Variants in FCHSD2 observed in about 807,000 individuals in gnomAD.
FCHSD2 encodes the protein FCH and double SH3 domains 2, also known as F-BAR and double SH3 domains protein 2.
In FCHSD2, 38 loss-of-function variants were observed where a neutral mutation model predicts 108.1. That is an observed-to-expected ratio of 0.35 (90% CI 0.27 to 0.46). FCHSD2 has a LOEUF of 0.46. Among genes scored for constraint, FCHSD2 ranks in the 20% least tolerant of loss-of-function variants. The pLI is 1.00. For missense variants in FCHSD2, 751 were observed against 897.8 expected (o/e 0.84, Z 2.09); for synonymous variants, 279 against 314.7 (o/e 0.89, Z 1.20).
At chr11:72,978,085 C>T (rs1327720418) in intron 8 of FCHSD2, among the ~76,000 whole-genome samples, 2 of 152,036 alleles carry the variant, frequency 1.3e-5, no homozygotes, top group Non-Finnish European at 2.9e-5. Context: ...ACCACATGTT[C>T]TCACTCATAG....
At chr11:73,086,681 T>C (rs1163675588) in intron 2 of FCHSD2, among the ~76,000 whole-genome samples, 3 of 152,120 alleles carry the variant, frequency 2.0e-5, no homozygotes, top group Non-Finnish European at 4.4e-5. Context: ...AAAACACTAA[T>C]TACCAAAATC....
chr11:72,867,106 G>A (rs1854744538), intron 13 of FCHSD2, among the ~76,000 whole-genome samples: 1 of 152,188 alleles, frequency 6.6e-6, no homozygotes, highest in Non-Finnish European at 1.5e-5. Flanking sequence ...AAGAAGGCAA[G>A]TTCAAACTGT....
chr11:72,842,638 A>G lies in FCHSD2; in HGVS notation c.1909T>C (p.Trp637Arg). Residue 637 changes from tryptophan (W) to arginine (R), a missense_variant, in exon 17 of 20, where the codon TGG becomes CGG. By Grantham distance (101) the Trp-to-Arg change is moderately radical. Transcript: ENST00000409418. ...TCAGGTACCTGAATCTCTCTCATCC[A>G]TGGAGTGTCACCATTTTCTGAGGCT... ...LSASENGDTP[W>R]MREIQISPSP... 6.2e-7 allele frequency: 1 copy of G among 1,614,032 alleles called. No homozygotes were observed.
At chr11:73,074,199 G>C (rs934666197) in intron 3 of FCHSD2, among the ~76,000 whole-genome samples, 6 of 152,116 alleles carry the variant, frequency 3.9e-5, no homozygotes, top group Non-Finnish European at 8.8e-5. Context: ...TACAGTGCTG[G>C]AGTGCAGTCA....
intron 12 of FCHSD2, among the ~76,000 whole-genome samples, chr11:72,874,831 T>C (rs1854934030): frequency 1.3e-5 from 2 of 152,206 alleles, no homozygotes; most frequent in Non-Finnish European, 2.9e-5. Flanking sequence ...TGTTTTCAAA[T>C]GAATTTTCAT....
At chr11:73,034,499 A>G (rs1858440770) in intron 3 of FCHSD2, among the ~76,000 whole-genome samples, 1 of 152,258 alleles carries the variant, frequency 6.6e-6, no homozygotes, top group African/African-American at 2.4e-5. Flanking sequence ...TCGGTACCAG[A>G]GGCTGAGCCT....
intron 8 of FCHSD2, among the ~76,000 whole-genome samples, chr11:72,964,196 A>C (rs1856863877): frequency 6.6e-6 from 1 of 152,226 alleles, no homozygotes; most frequent in Non-Finnish European, 1.5e-5. Flanking sequence ...AAAGAAACAA[A>C]AACAAATATA....
chr11:72,859,819 G>T (rs1861522801), intron 13 of FCHSD2, among the ~76,000 whole-genome samples: 1 of 152,116 alleles, frequency 6.6e-6, no homozygotes. Context: ...AACTCACACA[G>T]GTCTGAGAAT....
At chr11:73,126,069 C>T (rs530418260) in intron 2 of FCHSD2, among the ~76,000 whole-genome samples, 7 of 151,870 alleles carry the variant, frequency 4.6e-5, no homozygotes, top group Admixed American at 6.6e-5. Flanking sequence ...CGGCCAGGTG[C>T]GGTGGCTCAC....
intron 3 of FCHSD2, among the ~76,000 whole-genome samples, chr11:73,038,304 T>C (rs1050362637): frequency 6.7e-6 from 1 of 150,244 alleles, no homozygotes; most frequent in Non-Finnish European, 1.5e-5. Flanking sequence ...ATTGTGCCAC[T>C]GCACTCCAGC....
At chr11:72,987,484 C>G (rs1280221932) in intron 6 of FCHSD2, among the ~76,000 whole-genome samples, 1 of 152,202 alleles carries the variant, frequency 6.6e-6, no homozygotes, top group African/African-American at 2.4e-5. Context: ...CCTTACTCAT[C>G]TCTGTACTCA....
intron 5 of FCHSD2, among the ~76,000 whole-genome samples, chr11:73,000,026 T>G (rs1857596412): frequency 1.3e-5 from 2 of 152,208 alleles, no homozygotes; most frequent in African/African-American, 4.8e-5. Flanking sequence ...TATGTTTAAC[T>G]GACTAATATT....
At chr11:72,934,072 A>C (rs547919718) in intron 8 of FCHSD2, among the ~76,000 whole-genome samples, 6 of 135,856 alleles carry the variant, frequency 4.4e-5, no homozygotes, top group South Asian at 5.0e-4. Context: ...TCGCGCCACT[A>C]CACTCCAGCC....
intron 19 of FCHSD2, 47 bp from the exon 20 acceptor site, chr11:72,838,921 G>A: frequency 6.6e-7 from 1 of 1,508,014 alleles, no homozygotes; most frequent in Non-Finnish European, 9.1e-7. Flanking sequence ...TCCTGACTCA[G>A]TATCTGAAGC....
chr11:73,134,335 T>C (rs1013432326), intron 2 of FCHSD2, among the ~76,000 whole-genome samples: 1 of 152,028 alleles, frequency 6.6e-6, no homozygotes. Context: ...CCAGGCATGG[T>C]GGTGCATGCC....
intron 9 of FCHSD2, among the ~76,000 whole-genome samples, chr11:72,909,903 C>A (rs1373740767): frequency 6.8e-6 from 1 of 147,870 alleles, no homozygotes; most frequent in African/African-American, 2.5e-5. Context: ...AAGTGAGGAG[C>A]ACCTCTGCCC....
intron 9 of FCHSD2, among the ~76,000 whole-genome samples, chr11:72,907,258 A>T (rs892725787): frequency 1.3e-5 from 2 of 152,202 alleles, no homozygotes; most frequent in African/African-American, 4.8e-5. Flanking sequence ...TTTTCTAAAT[A>T]TACAATCATG....
chr11:73,050,182 G>A (rs1858865924), intron 3 of FCHSD2, among the ~76,000 whole-genome samples: 1 of 152,102 alleles, frequency 6.6e-6, no homozygotes, highest in Non-Finnish European at 1.5e-5. Flanking sequence ...AAACAAATAG[G>A]TATGTCCGTG....
Position 73,012,651 on chromosome 11 carries a change from C to G in FCHSD2, c.242+3158G>C, listed in dbSNP as rs557908623. 1.4e-4 allele frequency among the ~76,000 whole-genome samples: 22 copies of G among 152,234 alleles called. No individual in the cohort carries two copies. In the South Asian group the frequency reaches 4.6e-3, roughly 32 times the overall value. ...CTTTCTATTGTCTTTTTCACAATAG[C>G]ACCACCATCCTCTCAGTTGCCTAAA... On this transcript the variant is annotated intron_variant, in intron 4 of 19. Coordinates refer to ENST00000409418, the MANE Select transcript of FCHSD2 (RefSeq NM_014824.3).
Sources: gnomAD v4.1 joint callset for allele counts (sites outside exome capture counted in the v4.1 genomes callset) on GRCh38, gnomAD v4.1.1 for gene constraint, MANE v1.5 for transcripts, NCBI Gene and HGNC (gene_info 2026-07-23, HGNC 2026-07-21) for gene names.